ADORA3: variants seen among roughly 807,000 people sequenced by gnomAD.
ADORA3 encodes the protein adenosine A3 receptor.
Under a neutral mutation model 5.7 loss-of-function variants are expected in ADORA3, and 3 were observed. The ratio of observed to expected loss-of-function variants is 0.52; its 90% CI spans 0.24 to 1.35. The LOEUF (loss-of-function observed/expected upper bound fraction) is 1.35. ADORA3 is among the 40% of genes most tolerant of loss of function. ADORA3 has a pLI of 0.17. For synonymous variants in ADORA3, 168 were observed against 152.3 expected, an observed-to-expected ratio of 1.10 and a Z score of -0.76; for missense variants, 343 against 389.0, an observed-to-expected ratio of 0.88 and a Z score of 0.99.
At chr1:111,502,057 A>AATATATAGGATATATATATTATAATAT (rs1557823858) in intron 1 of ADORA3, among the ~76,000 whole-genome samples, 5 of 139,490 alleles carry the variant, frequency 3.6e-5, no homozygotes, top group African/African-American at 1.0e-4. Flanking sequence ...TAATATAATA[A>AATATATAGGATATATATATTATAATAT]ATATATAGGA....
chr1:111,503,193 T>A lies in ADORA3; in HGVS notation c.162A>T (p.Leu54=), dbSNP rs1557825240. The change falls in exon 1 of 2, where the codon CTA becomes CTT. Residue 54 remains leucine (L), a synonymous_variant. Transcript: ENST00000241356. ...QTTTFYFIVS[L]ALADIAVGVL... is the part of the protein sequence containing the mutation. ...CCCCAACAGCAATGTCAGCCAGGGC[T>A]AGAGAGACAATGAAATAGAAGGTGG... The A allele has an allele frequency of 6.2e-7, 1 of 1,614,236 alleles. No homozygotes were observed.
chr1:111,500,859 C>T (rs1486295027), intron 1 of ADORA3: 6 of 483,368 alleles, frequency 1.2e-5, no homozygotes, highest in East Asian at 1.2e-4. Flanking sequence ...CAAGTGCTTA[C>T]GTGCTCCACT....
chr1:111,503,007 G>A lies in ADORA3; in HGVS notation c.348C>T (p.Val116=). 1.2e-6 allele frequency: 2 copies of A among 1,613,284 alleles called. No homozygotes were observed. The highest frequency in any genetic ancestry group is 1.7e-6 in the Non-Finnish European group (2 of 1,179,354). The change falls in exon 1 of 2, where the codon GTC becomes GTT. Residue 116 remains valine, a splice_region_variant and synonymous_variant. Coordinates refer to ENST00000241356, the MANE Select transcript of ADORA3 (RefSeq NM_000677.4). The part of the protein sequence containing the change: ...VDRYLRVKLT[V]RYKRVTTHRR... ...GCCCACCCCACGCCGCAGGCTACCT[G>A]ACGGTAAGCTTGACCCGCAAGTATC...
At position 111,500,162 on chromosome 1, in the gene ADORA3, T is replaced by C. The variant is rs769834787; in HGVS notation, c.745A>G (p.Ile249Val). ...FALSWLPLSI[I>V]NCIIYFNGEV... The stretch of plus-strand genomic sequence containing the variant: ...CCATTAAAGTAGATGATGCAGTTGA[T>C]GATAGATAAAGGCAGCCATGACAGA... Residue 249 changes from isoleucine to valine, a missense_variant, in exon 2 of 2, where the codon ATC becomes GTC. Transcript: ENST00000241356. The C allele has an allele frequency of 1.2e-6, 2 of 1,614,124 alleles. No homozygotes were observed. Among genetic ancestry groups the C allele is most frequent in the South Asian group, 2.2e-5 (2 of 91,080 alleles).
At position 111,499,824 on chromosome 1, in the gene ADORA3, G is replaced by C; in HGVS notation, c.*126C>G. The C allele has an allele frequency of 6.6e-7, 1 of 1,512,292 alleles. No individual in the cohort carries two copies. The highest frequency in any genetic ancestry group is 8.8e-7 in the Non-Finnish European group (1 of 1,137,076). 93.7% of individuals were successfully genotyped at this position (1,512,292 alleles called of 1,614,324 possible). On this transcript the variant is annotated 3_prime_UTR_variant, in exon 2 of 2. Transcript: ENST00000241356. ...GGAGATATAATTGGGGAGCACTGGAGATGCTCCCACCTCAGTGGAAGTAAT... is the reference window on the plus strand; with the variant it reads ...GGAGATATAATTGGGGAGCACTGGACATGCTCCCACCTCAGTGGAAGTAAT...
rs773987086 is a variant in ADORA3, at chr1:111,503,169, C to G, written c.186G>C (p.Gly62=). The G allele has an allele frequency of 1.9e-6, 3 of 1,614,206 alleles. No homozygotes were observed. Among genetic ancestry groups the G allele is most frequent in the Non-Finnish European group, 2.5e-6 (3 of 1,180,036 alleles). ...CAATGGCCAAAGGCATGACCAGCACCCCAACAGCAATGTCAGCCAGGGCTA... is the reference window on the plus strand; with the variant it reads ...CAATGGCCAAAGGCATGACCAGCACGCCAACAGCAATGTCAGCCAGGGCTA... ...VSLALADIAV[G]VLVMPLAIVV... Residue 62 remains glycine (G), a synonymous_variant, in exon 1 of 2, where the codon GGG becomes GGC. Transcript: ENST00000241356.
At position 111,503,575 on chromosome 1, in the gene ADORA3, C is replaced by G. The variant is rs41282522; in HGVS notation, c.-221G>C. ...ATCACAGGTGGGTCACTTCCAGCCC[C>G]TTTATGCACCGCACATCCTCAAGTT... On this transcript the variant is annotated 5_prime_UTR_variant, in exon 1 of 2. Transcript: ENST00000241356. 167,018 of 1,373,024 alleles carry G rather than the reference C, an allele frequency of 0.12. 11,133 individuals are homozygous for G. Among genetic ancestry groups the G allele is most frequent in the Middle Eastern group, 0.17 (614 of 3,650 alleles). 85.1% of individuals were successfully genotyped at this position (1,373,024 alleles called of 1,614,324 possible).
At position 111,503,197 on chromosome 1, in the gene ADORA3, G is replaced by C. The variant is rs773132962; in HGVS notation, c.158C>G (p.Ser53Cys). The change falls in exon 1 of 2, where the codon TCT becomes TGT. Residue 53 changes from serine (S) to cysteine (C), a missense_variant. Physicochemically the swap from Ser to Cys is moderately radical, Grantham distance 112. Transcript: ENST00000241356. ...AACAGCAATGTCAGCCAGGGCTAGAGAGACAATGAAATAGAAGGTGGTGGT... is the reference window on the plus strand; with the variant it reads ...AACAGCAATGTCAGCCAGGGCTAGACAGACAATGAAATAGAAGGTGGTGGT... The part of the protein sequence containing the change: ...LQTTTFYFIV[S>C]LALADIAVGV... 11 of 1,614,152 alleles carry C rather than the reference G, an allele frequency of 6.8e-6. No homozygotes were observed. The highest frequency in any genetic ancestry group is 9.3e-6 in the Non-Finnish European group (11 of 1,180,058).
Position 111,500,234 on chromosome 1 carries a change from C to G in ADORA3, c.673G>C (p.Glu225Gln), listed in dbSNP as rs910703871. 3.7e-6 allele frequency: 6 copies of G among 1,614,150 alleles called. No individual in the cohort carries two copies. The highest frequency in any genetic ancestry group is 5.1e-6 in the Non-Finnish European group (6 of 1,180,016). The change falls in exon 2 of 2, where the codon GAG becomes CAG. Residue 225 changes from glutamate (E) to glutamine (Q), a missense_variant. Coordinates refer to ENST00000241356, the MANE Select transcript of ADORA3 (RefSeq NM_000677.4). ...SKETGAFYGR[E>Q]FKTAKSLFLV... The stretch of plus-strand genomic sequence containing the variant: ...AACAAGGACTTAGCCGTCTTGAACT[C>G]CCGTCCATAAAATGCACCTGTCTCT...
In ADORA3 at chr1:111,499,675, G is replaced by A. The variant is rs1655059496; in HGVS notation, c.*275C>T. On this transcript the variant is annotated 3_prime_UTR_variant, in exon 2 of 2. Transcript: ENST00000241356. ...AGGCTCCATGACTTATTCTTCTATT[G>A]GGAAGAAGGAAAACAGACAATAATA... is the stretch of plus-strand genomic sequence containing the variant. The A allele has an allele frequency of 1.3e-5, 16 of 1,217,208 alleles. No individual in the cohort carries two copies. Among genetic ancestry groups the A allele is most frequent in the Admixed American group, 3.8e-5 (1 of 26,596 alleles). 75.4% of individuals were successfully genotyped at this position (1,217,208 alleles called of 1,614,324 possible). A position where few individuals can be genotyped will look rare whatever the true frequency, so the allele number is the denominator to read the frequency against.
In ADORA3 at chr1:111,500,374, A is replaced by G. The variant is rs1655110739; in HGVS notation, c.533T>C (p.Val178Ala). The G allele has an allele frequency of 6.2e-7, 1 of 1,614,098 alleles. No individual in the cohort carries two copies. Among genetic ancestry groups the G allele is most frequent in the East Asian group, 2.2e-5 (1 of 44,900 alleles). The change falls in exon 2 of 2, where the codon GTA (valine) becomes GCA (alanine). Residue 178 changes from valine (V) to alanine (A), a missense_variant. Val to Ala is a moderately conservative substitution (Grantham distance 64, BLOSUM62 0). Transcript: ENST00000241356. ...AATCCAGGTGAGGAAGCTGAAGTAT[A>G]CCATGTAGTCCATTCTCATGACGGA... ...FVSVMRMDYM[V>A]YFSFLTWIFI...
In ADORA3 at chr1:111,500,324, C is replaced by T. The variant is rs143962803; in HGVS notation, c.583G>A (p.Ala195Thr). Residue 195 changes from alanine to threonine, a missense_variant, in exon 2 of 2, where the codon GCC (alanine) becomes ACC (threonine). Transcript: ENST00000241356. ...ATGTAAAAGATGTCAAGATAGATGG[C>T]GCACATGACAACCAGGGGGATGAAA... Reference protein sequence around the residue: ...WIFIPLVVMCAIYLDIFYIIR... With the variant: ...WIFIPLVVMCTIYLDIFYIIR... 526 of 1,614,158 alleles carry T rather than the reference C, an allele frequency of 3.3e-4. 1 individual carries two copies. The African/African-American group carries it at 4.3e-3, about 13-fold the overall frequency.
intron 1 of ADORA3, chr1:111,500,894 T>C (rs903524223): frequency 5.3e-5 from 22 of 416,244 alleles, no homozygotes; most frequent in African/African-American, 3.9e-4. Context: ...CTGAGAGCTA[T>C]ACAACTGTTA....
rs1437525575 is a variant in ADORA3, at chr1:111,500,382, G to A, written c.525C>T (p.Asp175=). 1 of 1,614,222 alleles carries A rather than the reference G, an allele frequency of 6.2e-7. No homozygotes were observed. The highest frequency in any genetic ancestry group is 8.5e-7 in the Non-Finnish European group (1 of 1,180,036). The change falls in exon 2 of 2, where the codon GAC becomes GAT. Residue 175 remains aspartate, a synonymous_variant. Coordinates refer to ENST00000241356, the MANE Select transcript of ADORA3 (RefSeq NM_000677.4). ...SCQFVSVMRM[D]YMVYFSFLTW... is the part of the protein sequence containing the mutation. ...TGAGGAAGCTGAAGTATACCATGTAGTCCATTCTCATGACGGAAACAAATT... is the reference window on the plus strand; with the variant it reads ...TGAGGAAGCTGAAGTATACCATGTAATCCATTCTCATGACGGAAACAAATT...
intron 1 of ADORA3, among the ~76,000 whole-genome samples, chr1:111,502,286 A>G (rs62642597): frequency 0.48 from 9,107 of 19,034 alleles, 3,271 homozygotes; most frequent in Middle Eastern, 0.55. Context: ...TCATTATAAT[A>G]AATATATAGG....
intron 1 of ADORA3, 62 bp downstream of exon 1, chr1:111,502,943 T>C: frequency 6.3e-7 from 1 of 1,585,952 alleles, no homozygotes; most frequent in Admixed American, 1.7e-5. Context: ...GTCTGGGCTC[T>C]GGGCTTTGTA....
rs1465647057 is a variant in ADORA3, at chr1:111,499,470, A to T, written c.*480T>A. The T allele has an allele frequency of 1.0e-6, 1 of 992,640 alleles. No individual in the cohort carries two copies. Among genetic ancestry groups the T allele is most frequent in the Non-Finnish European group, 1.2e-6 (1 of 833,822 alleles). The allele number at this position is 992,640 out of a possible 1,614,324, so 61.5% of individuals were successfully genotyped here. On this transcript the variant is annotated 3_prime_UTR_variant, in exon 2 of 2. Transcript: ENST00000241356. ...ATTTACTCAAAAACATCCACAGGTG[A>T]ATTCAGCAGTTTAAGTCCCCCTTAA...
chr1:111,499,534 A>G lies in ADORA3; in HGVS notation c.*416T>C. 7.0e-6 allele frequency: 7 copies of G among 1,001,870 alleles called. No individual in the cohort carries two copies. The highest frequency in any genetic ancestry group is 8.3e-6 in the Non-Finnish European group (7 of 838,728). The allele number at this position is 1,001,870 out of a possible 1,614,324, so 62.1% of individuals were successfully genotyped here. On this transcript the variant is annotated 3_prime_UTR_variant, in exon 2 of 2. Transcript: ENST00000241356. ...TTTCTGTTCCCAACATCTCCTAGGC[A>G]TCCTCCGAGAGCAGGTTCTCTGCTC...
chr1:111,501,305 G>A (rs1655161344), intron 1 of ADORA3: 1 of 152,184 alleles, frequency 6.6e-6, no homozygotes, highest in Non-Finnish European at 1.5e-5. Flanking sequence ...GACCTTAAAG[G>A]ACAGTAAGAG....
Sources: allele counts gnomAD v4.1 joint callset (sites outside exome capture counted in the v4.1 genomes callset), GRCh38; gene constraint gnomAD v4.1.1; transcripts MANE v1.5; gene names NCBI Gene and HGNC (gene_info 2026-07-23, HGNC 2026-07-21).